The following STIM2 variants were observed in gnomAD, a reference collection of about 807,000 sequenced individuals.
STIM2 encodes stromal interaction molecule 2.
A neutral mutation model predicts 85.8 loss-of-function variants in STIM2; 31 were observed. That is an observed-to-expected ratio of 0.36 (90% CI 0.27 to 0.49). The LOEUF is 0.49. STIM2 is among the 20% of genes least tolerant of loss of function. The probability of loss-of-function intolerance (pLI) is 0.98; values close to 1 mark genes in which losing one functional copy is unlikely to be tolerated. For missense variants in STIM2, 841 were observed against 927.6 expected (o/e 0.91, Z 1.21); for synonymous variants, 356 against 331.1 (o/e 1.08, Z -0.82).
intron 1 of STIM2, among the ~76,000 whole-genome samples, chr4:26,886,722 A>G (rs1321612528): frequency 1.3e-5 from 2 of 152,194 alleles, no homozygotes; most frequent in Non-Finnish European, 2.9e-5. Flanking sequence ...GACATCATCT[A>G]CAAGATGTGA....
chr4:26,992,323 GACTTAT>G (rs1466625660), intron 3 of STIM2, among the ~76,000 whole-genome samples: 1 of 152,078 alleles, frequency 6.6e-6, no homozygotes, highest in East Asian at 1.9e-4. Context: ...ATGAGCAGAA[GACTTAT>G]ACTTTACTGA....
chr4:26,935,694 A>T (rs1368384041), intron 2 of STIM2, among the ~76,000 whole-genome samples: 1 of 152,184 alleles, frequency 6.6e-6, no homozygotes, highest in African/African-American at 2.4e-5. Flanking sequence ...GAACCACTAG[A>T]CTTTCAGGAC....
chr4:26,866,304 A>G (rs546722994), intron 1 of STIM2, among the ~76,000 whole-genome samples: 1 of 152,276 alleles, frequency 6.6e-6, no homozygotes, highest in South Asian at 2.1e-4. Flanking sequence ...TAGGTAGCAG[A>G]GTTAGAGGTT....
At position 27,022,775 on chromosome 4, in the gene STIM2, A is replaced by G; in HGVS notation, c.2020A>G (p.Ile674Val). 6.2e-7 allele frequency: 1 copy of G among 1,614,190 alleles called. No homozygotes were observed. Among genetic ancestry groups the G allele is most frequent in the Non-Finnish European group, 8.5e-7 (1 of 1,180,034 alleles). The change falls in exon 12 of 12, where the codon ATT (isoleucine) becomes GTT (valine). Residue 674 changes from isoleucine to valine, a missense_variant. Transcript: ENST00000467087. ...TCCTGCAAGCAAAGTGTACAATGGCATTTTGGAGAAATCCTGTAGCATGAA... is the reference window on the plus strand; with the variant it reads ...TCCTGCAAGCAAAGTGTACAATGGCGTTTTGGAGAAATCCTGTAGCATGAA...
chr4:26,886,748 A>C (rs567111445), intron 1 of STIM2, among the ~76,000 whole-genome samples: 1 of 152,148 alleles, frequency 6.6e-6, no homozygotes, highest in Non-Finnish European at 1.5e-5. Context: ...TTGTCATTGT[A>C]TGTCATGTAC....
chr4:26,957,462 CAT>C lies in STIM2; in HGVS notation c.283-149_283-148del, dbSNP rs542999259. The C allele has an allele frequency of 7.1e-3, 3,156 of 447,070 alleles. 24 individuals carry two copies. The highest frequency in any genetic ancestry group is 8.9e-3 in the Non-Finnish European group (2,223 of 250,652). 27.7% of individuals were successfully genotyped at this position (447,070 alleles called of 1,614,324 possible). ...CATTTCATTAAATACATTTTACAAA[CAT>C]GTAAGAATAATGTGACTACAATACC... On this transcript the variant is annotated intron_variant, in intron 2 of 11. Transcript: ENST00000467087.
intron 2 of STIM2, among the ~76,000 whole-genome samples, chr4:26,933,628 G>T (rs934813064): frequency 2.0e-5 from 3 of 149,960 alleles, no homozygotes; most frequent in African/African-American, 7.4e-5. Context: ...GCAGAGGGTG[G>T]TAGCACACAC....
At position 26,937,981 on chromosome 4, in the gene STIM2, A is replaced by AT. The variant is rs546836662; in HGVS notation, c.282+18353dup. ...CCTTTTTCTTTTTTGCAGATAAGTG[A>AT]TTTTTTGTCTTTTTTTCCTCTGGAA... On this transcript the variant is annotated intron_variant, in intron 2 of 11. Transcript: ENST00000467087. 4.5e-3 allele frequency among the ~76,000 whole-genome samples: 686 copies of AT among 152,088 alleles called. 8 individuals are homozygous for AT. The highest frequency in any genetic ancestry group is 0.016 in the African/African-American group (665 of 41,460).
chr4:26,927,708 CTTGAAT>C (rs1560209500), intron 2 of STIM2, among the ~76,000 whole-genome samples: 1 of 38,512 alleles, frequency 2.6e-5, no homozygotes, highest in African/African-American at 7.5e-5. Context: ...AAAAAAAAAA[CTTGAAT>C]AAAAAAAAAA....
intron 1 of STIM2, among the ~76,000 whole-genome samples, chr4:26,885,861 A>ATATATGTATATATATATATATATGTG (rs1553845034): frequency 1.3e-5 from 1 of 77,734 alleles, no homozygotes; most frequent in Non-Finnish European, 2.5e-5. Context: ...ATATATATAT[A>ATATATGTATATATATATATATATGTG]TATATATATA....
chr4:27,004,899 G>C (rs1728279690), intron 7 of STIM2, among the ~76,000 whole-genome samples: 1 of 152,142 alleles, frequency 6.6e-6, no homozygotes, highest in Non-Finnish European at 1.5e-5. Context: ...CCAGTGGTTT[G>C]CTCATAAATT....
chr4:26,938,489 A>C (rs1017007201), intron 2 of STIM2, among the ~76,000 whole-genome samples: 4 of 152,210 alleles, frequency 2.6e-5, no homozygotes, highest in African/African-American at 7.2e-5. Context: ...CCAAGTTTTC[A>C]TAACTGAAGA....
At chr4:26,891,595 AC>A (rs1723490212) in intron 1 of STIM2, among the ~76,000 whole-genome samples, 1 of 129,396 alleles carries the variant, frequency 7.7e-6, no homozygotes, top group African/African-American at 3.2e-5. Flanking sequence ...ACACACACAC[AC>A]ACCCCCTTTT....
At chr4:26,875,468 C>T (rs1206113820) in intron 1 of STIM2, among the ~76,000 whole-genome samples, 1 of 152,064 alleles carries the variant, frequency 6.6e-6, no homozygotes, top group Non-Finnish European at 1.5e-5. Flanking sequence ...ATAGATTCAT[C>T]ATAAGCCCTA....
At chr4:26,969,473 C>CAA (rs1726851273) in intron 3 of STIM2, among the ~76,000 whole-genome samples, 1 of 152,178 alleles carries the variant, frequency 6.6e-6, no homozygotes, top group Non-Finnish European at 1.5e-5. Flanking sequence ...AGTGCTACAG[C>CAA]TCTACTGCAA....
At chr4:27,002,800 A>T in intron 6 of STIM2, 127 bp from the exon 7 acceptor site, 1 of 906,322 alleles carries the variant, frequency 1.1e-6, no homozygotes, top group Non-Finnish European at 1.5e-6. Context: ...ACTTAAGGCT[A>T]ATGAAAAATG....
chr4:26,886,024 T>A (rs1723234888), intron 1 of STIM2, among the ~76,000 whole-genome samples: 1 of 151,710 alleles, frequency 6.6e-6, no homozygotes, highest in African/African-American at 2.4e-5. Flanking sequence ...CATGCGCCAG[T>A]TCCTCTTATT....
At chr4:26,878,773 A>G (rs1314650521) in intron 1 of STIM2, among the ~76,000 whole-genome samples, 3 of 152,176 alleles carry the variant, frequency 2.0e-5, no homozygotes, top group African/African-American at 7.2e-5. Flanking sequence ...GGAAACTTAC[A>G]ATCATGGCAG....
At chr4:26,909,278 G>A (rs1724243695) in intron 1 of STIM2, among the ~76,000 whole-genome samples, 1 of 152,106 alleles carries the variant, frequency 6.6e-6, no homozygotes, top group South Asian at 2.1e-4. Flanking sequence ...TACTCTGTTA[G>A]GTGTTTTATA....
Sources: allele counts gnomAD v4.1 joint callset (sites outside exome capture counted in the v4.1 genomes callset), GRCh38; gene constraint gnomAD v4.1.1; transcripts MANE v1.5; gene names NCBI Gene and HGNC (gene_info 2026-07-23, HGNC 2026-07-21).